Variants in ARHGAP42 observed in about 807,000 individuals in gnomAD.
ARHGAP42 encodes the protein rho GTPase-activating protein 42.
A neutral mutation model predicts 125.0 loss-of-function variants in ARHGAP42; 63 were observed. That is an observed-to-expected ratio of 0.50 (90% confidence interval 0.41 to 0.62). ARHGAP42 has a LOEUF of 0.62. ARHGAP42 is among the 20% of genes least tolerant of loss of function. The pLI is 0.00. For missense variants in ARHGAP42, 766 were observed against 1,024.2 expected (o/e 0.75, Z 3.44); for synonymous variants, 339 against 351.0 (o/e 0.97, Z 0.38).
intron 1 of ARHGAP42, among the ~76,000 whole-genome samples, chr11:100,765,097 T>C (rs1231680723): frequency 1.3e-5 from 2 of 152,152 alleles, no homozygotes; most frequent in Non-Finnish European, 2.9e-5. Flanking sequence ...AAAACATAGA[T>C]ACAAAAGAAT....
At position 100,687,616 on chromosome 11, in the gene ARHGAP42, G is replaced by T. The variant is rs1861106878; in HGVS notation, c.-63G>T. 2.5e-6 allele frequency: 3 copies of T among 1,199,812 alleles called. No individual in the cohort carries two copies. In the East Asian group the frequency reaches 1.1e-4, roughly 43 times the overall value. The allele number at this position is 1,199,812 out of a possible 1,614,324, so 74.3% of individuals were successfully genotyped here. On this transcript the variant is annotated 5_prime_UTR_variant, in exon 1 of 24. Transcript: ENST00000298815. ...ACCCCAGCGCCCGCCGCGGCCGCCG[G>T]CTGCCCCCGCCCTGACCTCCGGCCC...
chr11:100,839,859 T>C (rs1429770222), intron 3 of ARHGAP42: 3 of 152,092 alleles, frequency 2.0e-5, no homozygotes, highest in African/African-American at 7.2e-5. Context: ...CCTCCAAGCT[T>C]TCAAATAATT....
chr11:100,799,672 A>G (rs1030770311), intron 3 of ARHGAP42, among the ~76,000 whole-genome samples: 4 of 152,198 alleles, frequency 2.6e-5, no homozygotes, highest in Non-Finnish European at 4.4e-5. Context: ...TCTTGTGTAA[A>G]TAGTTCAGGA....
intron 3 of ARHGAP42, among the ~76,000 whole-genome samples, chr11:100,848,506 C>CTT (rs1022513274): frequency 6.9e-6 from 1 of 144,616 alleles, no homozygotes; most frequent in African/African-American, 2.5e-5. Context: ...TTCTTTCTTT[C>CTT]TTTTTTTTTT....
chr11:100,969,589 A>G (rs1565300177), intron 17 of ARHGAP42, among the ~76,000 whole-genome samples: 1 of 151,872 alleles, frequency 6.6e-6, no homozygotes, highest in East Asian at 1.9e-4. Flanking sequence ...CTCTATTGAT[A>G]CTTTTCATTT....
chr11:100,938,706 A>G (rs1867800739), intron 8 of ARHGAP42, among the ~76,000 whole-genome samples: 1 of 152,090 alleles, frequency 6.6e-6, no homozygotes, highest in Non-Finnish European at 1.5e-5. Context: ...TCCCTTTGCC[A>G]AGGGATATAA....
chr11:100,817,131 T>C (rs1220139655), intron 3 of ARHGAP42, among the ~76,000 whole-genome samples: 2 of 152,200 alleles, frequency 1.3e-5, no homozygotes, highest in African/African-American at 2.4e-5. Flanking sequence ...CCCAGCACTG[T>C]TGACATTTTG....
rs1555021069 is a variant in ARHGAP42, at chr11:100,903,117, GCACA to G, written c.385-10299_385-10296del. Among the ~76,000 whole-genome samples the G allele has an allele frequency of 2.3e-3, 301 of 132,028 alleles. 3 individuals carry two copies. Among genetic ancestry groups the G allele is most frequent in the African/African-American group, 4.6e-3 (162 of 35,556 alleles). 86.6% of individuals were successfully genotyped at this position (132,028 alleles called of 152,430 possible). Reference sequence around the variant, plus strand: ...TCCTCAATCTTGCTGTCCAAGATGCGCACACACACACACACACACACACACACAC... The same window carrying G: ...TCCTCAATCTTGCTGTCCAAGATGCGCACACACACACACACACACACACAC... On this transcript the variant is annotated intron_variant, in intron 4 of 23. Transcript: ENST00000298815.
At chr11:100,809,468 T>G (rs2135056947) in intron 3 of ARHGAP42, among the ~76,000 whole-genome samples, 1 of 152,308 alleles carries the variant, frequency 6.6e-6, no homozygotes, top group South Asian at 2.1e-4. Context: ...CTTGAGAAAT[T>G]TCCGGTTAAC....
At chr11:100,875,996 A>T (rs989148419) in intron 4 of ARHGAP42, among the ~76,000 whole-genome samples, 2 of 150,712 alleles carry the variant, frequency 1.3e-5, no homozygotes, top group Non-Finnish European at 3.0e-5. Flanking sequence ...CCCACAAAAT[A>T]TAAAATGCTT....
intron 3 of ARHGAP42, among the ~76,000 whole-genome samples, chr11:100,851,181 C>T (rs1865196566): frequency 6.6e-6 from 1 of 152,020 alleles, no homozygotes; most frequent in Non-Finnish European, 1.5e-5. Context: ...TGCGCCTGGC[C>T]AGGAGATAGT....
chr11:100,697,181 G>GTT (rs58180649), intron 1 of ARHGAP42, among the ~76,000 whole-genome samples: 8,921 of 147,308 alleles, frequency 0.061, 398 homozygotes, highest in African/African-American at 0.12. Context: ...TGTTGTTTTG[G>GTT]TTTTTTTTTT....
intron 1 of ARHGAP42, among the ~76,000 whole-genome samples, chr11:100,710,831 G>T (rs1861553934): frequency 6.6e-6 from 1 of 152,176 alleles, no homozygotes; most frequent in Non-Finnish European, 1.5e-5. Flanking sequence ...GAGCCACTGT[G>T]TGCAACCAGG....
At chr11:100,757,812 G>C (rs998030409) in intron 1 of ARHGAP42, among the ~76,000 whole-genome samples, 4 of 152,092 alleles carry the variant, frequency 2.6e-5, no homozygotes, top group Non-Finnish European at 5.9e-5. Context: ...TTACTTCCCT[G>C]GCAGCCCAGG....
intron 1 of ARHGAP42, among the ~76,000 whole-genome samples, chr11:100,768,886 A>G (rs1400766257): frequency 1.3e-5 from 2 of 152,218 alleles, no homozygotes; most frequent in Non-Finnish European, 2.9e-5. Context: ...ATAATTATGC[A>G]TTGTTTAACA....
At chr11:100,858,294 G>A (rs1161804724) in intron 3 of ARHGAP42, among the ~76,000 whole-genome samples, 1 of 152,030 alleles carries the variant, frequency 6.6e-6, no homozygotes, top group African/African-American at 2.4e-5. Context: ...GGATGCCAGT[G>A]GTATCTCCAG....
chr11:100,849,093 C>G (rs534879451), intron 3 of ARHGAP42, among the ~76,000 whole-genome samples: 3 of 152,258 alleles, frequency 2.0e-5, no homozygotes, highest in African/African-American at 7.2e-5. Flanking sequence ...CAAAAGAGGT[C>G]AGATGTTAAT....
chr11:100,992,843 C>T lies in ARHGAP42; in HGVS notation c.*4042C>T. On this transcript the variant is annotated 3_prime_UTR_variant, in exon 24 of 24. Transcript: ENST00000298815. The stretch of plus-strand genomic sequence containing the variant: ...ATTGGCAGAAAATTGATCTGCATGT[C>T]CTAGACCAATGATTACAAGGTGTCT... 1.1e-6 allele frequency: 1 copy of T among 911,562 alleles called. No individual in the cohort carries two copies. Among genetic ancestry groups the T allele is most frequent in the Non-Finnish European group, 1.6e-6 (1 of 611,266 alleles). The allele number at this position is 911,562 out of a possible 1,614,324, so 56.5% of individuals were successfully genotyped here.
intron 2 of ARHGAP42, among the ~76,000 whole-genome samples, chr11:100,773,079 C>T (rs1863020385): frequency 6.6e-6 from 1 of 152,176 alleles, no homozygotes. Flanking sequence ...TCAGGTGATC[C>T]ACCTGCCTCA....
Sources: gnomAD v4.1 joint callset for allele counts (sites outside exome capture counted in the v4.1 genomes callset) on GRCh38, gnomAD v4.1.1 for gene constraint, MANE v1.5 for transcripts, NCBI Gene and HGNC (gene_info 2026-07-23, HGNC 2026-07-21) for gene names.